Variants in CLDN10 observed in about 807,000 individuals in gnomAD.
CLDN10 encodes claudin 10, also known as claudin-10.
In CLDN10, 15 loss-of-function variants were observed where a neutral mutation model predicts 22.9. That is an observed-to-expected ratio of 0.65 (90% confidence interval 0.44 to 1.01). The LOEUF (loss-of-function observed/expected upper bound fraction) is 1.01, where lower values mean the gene tolerates loss of function less well. CLDN10 is among the 50% of genes least tolerant of loss of function. The pLI is 0.00. For missense variants in CLDN10, 247 were observed against 287.8 expected (o/e 0.86, Z 1.03); for synonymous variants, 114 against 111.4 (o/e 1.02, Z -0.15).
upstream of CLDN10, among the ~76,000 whole-genome samples, chr13:95,551,085 T>G (rs1211853980): frequency 2.6e-5 from 4 of 152,102 alleles, no homozygotes; most frequent in African/African-American, 4.8e-5. Flanking sequence ...CATGTCTGCA[T>G]TGTCACCCTT....
chr13:95,534,524 T>A (rs1372592280), intron 1 of CLDN10, among the ~76,000 whole-genome samples: 1 of 152,108 alleles, frequency 6.6e-6, no homozygotes, highest in Non-Finnish European at 1.5e-5. Flanking sequence ...ACTTTTTATA[T>A]CAAACCGTTA....
rs766126301 is a variant in CLDN10, at chr13:95,448,199, T to TAC, written c.214+14164_214+14165dup. Among the ~76,000 whole-genome samples, 5 of 151,204 alleles carry TAC rather than the reference T, an allele frequency of 3.3e-5. No homozygotes were observed. The Middle Eastern group carries it at 0.01, about 309-fold the overall frequency. On this transcript the variant is annotated intron_variant, in intron 1 of 4. Transcript: ENST00000376873. ...TTATCACGCAGACACCTCAACACAC[T>TAC]ACACACACACACAGAAAAATACACA... is the stretch of plus-strand genomic sequence containing the variant.
chr13:95,550,593 G>A (rs1391571473), upstream of CLDN10, among the ~76,000 whole-genome samples: 1 of 152,106 alleles, frequency 6.6e-6, no homozygotes, highest in Non-Finnish European at 1.5e-5. Context: ...ATGGTTAGTG[G>A]GTTTTGTGTT....
At chr13:95,463,828 C>A (rs2042559997) in intron 1 of CLDN10, among the ~76,000 whole-genome samples, 1 of 151,978 alleles carries the variant, frequency 6.6e-6, no homozygotes, top group South Asian at 2.1e-4. Flanking sequence ...GTTGTCCAAA[C>A]CCTCTTTTTT....
chr13:95,505,260 A>C (rs2043026041), intron 1 of CLDN10, among the ~76,000 whole-genome samples: 2 of 152,120 alleles, frequency 1.3e-5, no homozygotes. Flanking sequence ...TTCCTAACTA[A>C]AAATATAAAA....
intron 1 of CLDN10, among the ~76,000 whole-genome samples, chr13:95,530,519 G>C (rs989860225): frequency 5.9e-5 from 9 of 152,154 alleles, no homozygotes; most frequent in African/African-American, 2.2e-4. Context: ...TTCCCTGCCT[G>C]AGTATACTCA....
At chr13:95,574,929 G>A (rs1430636569) in intron 3 of CLDN10, among the ~76,000 whole-genome samples, 1 of 152,094 alleles carries the variant, frequency 6.6e-6, no homozygotes, top group Non-Finnish European at 1.5e-5. Flanking sequence ...GTGATTTGTA[G>A]CAATACTGTG....
chr13:95,563,222 GAGAGAGAGAGAGAT>G (rs1047222750), intron 3 of CLDN10, among the ~76,000 whole-genome samples: 30 of 152,048 alleles, frequency 2.0e-4, no homozygotes, highest in African/African-American at 7.0e-4. Context: ...GAGAGAGAGA[GAGAGAGAGAGAGAT>G]AGATGTGATT....
At chr13:95,467,536 G>GA (rs2042592631) in intron 1 of CLDN10, among the ~76,000 whole-genome samples, 2 of 151,414 alleles carry the variant, frequency 1.3e-5, no homozygotes, top group African/African-American at 2.4e-5. Context: ...TTTTGGGGGG[G>GA]GCAATTTATT....
At chr13:95,465,846 G>C (rs1267096112) in intron 1 of CLDN10, among the ~76,000 whole-genome samples, 4 of 152,140 alleles carry the variant, frequency 2.6e-5, no homozygotes, top group Non-Finnish European at 5.9e-5. Context: ...CTCTAGAATA[G>C]GTGCTGTTTA....
chr13:95,444,630 A>G (rs1594522538), intron 1 of CLDN10, among the ~76,000 whole-genome samples: 1 of 152,204 alleles, frequency 6.6e-6, no homozygotes, highest in African/African-American at 2.4e-5. Context: ...GAAGTTTCAC[A>G]AGAAGTTTGC....
chr13:95,462,974 C>T (rs920586080), intron 1 of CLDN10, among the ~76,000 whole-genome samples: 1 of 152,068 alleles, frequency 6.6e-6, no homozygotes, highest in Non-Finnish European at 1.5e-5. Flanking sequence ...TAATCAGTGG[C>T]TGTAAGCTGC....
chr13:95,460,768 T>C (rs939236649), intron 1 of CLDN10, among the ~76,000 whole-genome samples: 6 of 151,690 alleles, frequency 4.0e-5, no homozygotes, highest in African/African-American at 1.5e-4. Flanking sequence ...GCCTCTCTCC[T>C]CTGGAGTAGC....
At chr13:95,466,886 T>C (rs2042585799) in intron 1 of CLDN10, among the ~76,000 whole-genome samples, 1 of 149,650 alleles carries the variant, frequency 6.7e-6, no homozygotes, top group Admixed American at 6.6e-5. Flanking sequence ...CTTTTTTTTT[T>C]TTTTTTTTGA....
At chr13:95,481,795 GGATCA>G (rs2042749699) in intron 1 of CLDN10, among the ~76,000 whole-genome samples, 1 of 152,154 alleles carries the variant, frequency 6.6e-6, no homozygotes, top group Non-Finnish European at 1.5e-5. Flanking sequence ...CGAAGTGAGT[GGATCA>G]CCTGAGATCA....
chr13:95,549,024 A>G (rs1018237916), upstream of CLDN10, among the ~76,000 whole-genome samples: 1 of 152,192 alleles, frequency 6.6e-6, no homozygotes, highest in African/African-American at 2.4e-5. Context: ...TTTCTCTTTA[A>G]TAACCATAAT....
intron 3 of CLDN10, among the ~76,000 whole-genome samples, chr13:95,570,324 C>A (rs1262073701): frequency 4.6e-5 from 7 of 152,176 alleles, no homozygotes; most frequent in Non-Finnish European, 1.0e-4. Context: ...ATTATCCACA[C>A]ACGAATGGAG....
intron 1 of CLDN10, among the ~76,000 whole-genome samples, chr13:95,462,742 C>T (rs749627082): frequency 6.6e-6 from 1 of 152,098 alleles, no homozygotes; most frequent in Admixed American, 6.6e-5. Context: ...TTCTAAATAA[C>T]AGCTGAGTTT....
intron 1 of CLDN10, among the ~76,000 whole-genome samples, chr13:95,525,280 A>G (rs2043268940): frequency 6.6e-6 from 1 of 152,140 alleles, no homozygotes; most frequent in Admixed American, 6.5e-5. Context: ...TTTATTGGCT[A>G]TTTACATATC....
Sources: allele counts gnomAD v4.1 joint callset (sites outside exome capture counted in the v4.1 genomes callset), GRCh38; gene constraint gnomAD v4.1.1; transcripts MANE v1.5; gene names NCBI Gene and HGNC (gene_info 2026-07-23, HGNC 2026-07-21).